COL26A1: variants seen among roughly 807,000 people sequenced by gnomAD.
COL26A1 encodes the protein collagen alpha-1(XXVI) chain.
A neutral mutation model predicts 59.3 loss-of-function variants in COL26A1; 41 were observed. That is an observed-to-expected ratio of 0.69 (90% CI 0.54 to 0.90). The LOEUF (loss-of-function observed/expected upper bound fraction) is 0.90. Ranked by LOEUF, COL26A1 falls within the 40% of genes least tolerant of loss-of-function variation. COL26A1 has a pLI of 0.00. For missense variants in COL26A1, 612 were observed against 602.3 expected (o/e 1.02, Z -0.17); for synonymous variants, 266 against 256.0 (o/e 1.04, Z -0.37).
At chr7:101,400,615 A>G (rs188707864) in intron 1 of COL26A1, among the ~76,000 whole-genome samples, 7 of 151,110 alleles carry the variant, frequency 4.6e-5, no homozygotes, top group Admixed American at 1.3e-4. Context: ...CTGGAGCGCA[A>G]TGGTGCGGTC....
chr7:101,418,048 A>T (rs562660404), intron 1 of COL26A1, among the ~76,000 whole-genome samples: 1 of 152,140 alleles, frequency 6.6e-6, no homozygotes, highest in African/African-American at 2.4e-5. Flanking sequence ...TTTTGTAGAG[A>T]CAAACAGGAT....
At chr7:101,527,145 A>T (rs919050426) in intron 3 of COL26A1, among the ~76,000 whole-genome samples, 4 of 147,816 alleles carry the variant, frequency 2.7e-5, no homozygotes, top group Non-Finnish European at 6.0e-5. Context: ...TAATTTTAAA[A>T]TTTTTTCTAG....
chr7:101,513,517 A>G (rs372278398), intron 3 of COL26A1, among the ~76,000 whole-genome samples: 1 of 146,566 alleles, frequency 6.8e-6, no homozygotes, highest in South Asian at 2.2e-4. Flanking sequence ...GTATTTTTGT[A>G]TTTTTTTAGT....
chr7:101,372,764 G>C (rs988752473), intron 1 of COL26A1, among the ~76,000 whole-genome samples: 1 of 152,118 alleles, frequency 6.6e-6, no homozygotes, highest in East Asian at 1.9e-4. Context: ...GGGAGGCCAA[G>C]GTGGGAGGAT....
At chr7:101,481,604 C>T (rs942038552) in intron 3 of COL26A1, among the ~76,000 whole-genome samples, 1 of 151,924 alleles carries the variant, frequency 6.6e-6, no homozygotes, top group Non-Finnish European at 1.5e-5. Flanking sequence ...GAGCATACCA[C>T]CACACCCAGC....
At chr7:101,392,955 G>A (rs1451105090) in intron 1 of COL26A1, among the ~76,000 whole-genome samples, 2 of 151,644 alleles carry the variant, frequency 1.3e-5, no homozygotes, top group African/African-American at 2.4e-5. Flanking sequence ...CTGTTCAGAT[G>A]TAAACAAAAT....
At chr7:101,463,486 T>C (rs1189901601) in intron 3 of COL26A1, among the ~76,000 whole-genome samples, 2 of 150,508 alleles carry the variant, frequency 1.3e-5, no homozygotes, top group Non-Finnish European at 3.0e-5. Context: ...AAATATCCCT[T>C]CCCTCCCCTC....
intron 1 of COL26A1, among the ~76,000 whole-genome samples, chr7:101,397,810 T>C (rs1284228884): frequency 6.6e-6 from 1 of 152,154 alleles, no homozygotes; most frequent in Non-Finnish European, 1.5e-5. Flanking sequence ...GGTGCTGGGA[T>C]TACAGGTGTG....
intron 2 of COL26A1, among the ~76,000 whole-genome samples, chr7:101,426,662 T>C (rs1792655642): frequency 1.3e-5 from 2 of 152,094 alleles, no homozygotes; most frequent in Admixed American, 1.3e-4. Context: ...AGGGCTAAGA[T>C]GGTGGTGATA....
chr7:101,373,162 AG>A (rs1791233277), intron 1 of COL26A1, among the ~76,000 whole-genome samples: 1 of 152,092 alleles, frequency 6.6e-6, no homozygotes, highest in African/African-American at 2.4e-5. Flanking sequence ...TAGTGGAAGG[AG>A]GGAGGCCAGT....
At chr7:101,387,774 A>ATTTTTTTTTTTTTT (rs1185449488) in intron 1 of COL26A1, among the ~76,000 whole-genome samples, 11 of 48,898 alleles carry the variant, frequency 2.2e-4, no homozygotes, top group South Asian at 8.8e-4. Context: ...ATATATATAT[A>ATTTTTTTTTTTTTT]TATATTTTTT....
chr7:101,455,589 G>T (rs1274207627), intron 3 of COL26A1, among the ~76,000 whole-genome samples: 1 of 144,394 alleles, frequency 6.9e-6, no homozygotes, highest in Non-Finnish European at 1.5e-5. Flanking sequence ...TGCAACCTCC[G>T]CCTCCCAGGC....
intron 3 of COL26A1, among the ~76,000 whole-genome samples, chr7:101,496,068 G>A (rs1298994381): frequency 4.6e-5 from 7 of 152,186 alleles, no homozygotes; most frequent in South Asian, 4.1e-4. Context: ...GCAGCAAAGC[G>A]AGACCCTGTC....
intron 1 of COL26A1, among the ~76,000 whole-genome samples, chr7:101,364,027 C>T (rs115257636): frequency 0.027 from 4,147 of 152,220 alleles, 177 homozygotes; most frequent in African/African-American, 0.094. Flanking sequence ...GATCGGGTGG[C>T]TCCGTGGCGG....
chr7:101,450,123 CAAAAA>C (rs59531271), intron 3 of COL26A1, among the ~76,000 whole-genome samples: 1 of 99,958 alleles, frequency 1.0e-5, no homozygotes. Context: ...GACTCAGTCT[CAAAAA>C]AAAAAAAAAA....
At chr7:101,469,924 G>A (rs59296443) in intron 3 of COL26A1, among the ~76,000 whole-genome samples, 5,475 of 152,176 alleles carry the variant, frequency 0.036, 338 homozygotes, top group African/African-American at 0.13. Flanking sequence ...AGAGATGCAC[G>A]TGAAGTGGCG....
chr7:101,414,188 C>T (rs1024277198), intron 1 of COL26A1, among the ~76,000 whole-genome samples: 2 of 152,094 alleles, frequency 1.3e-5, no homozygotes, highest in African/African-American at 4.8e-5. Context: ...AAGCCATTTC[C>T]AGCCCATTTA....
intron 2 of COL26A1, among the ~76,000 whole-genome samples, chr7:101,427,577 A>G (rs1244095129): frequency 1.3e-5 from 2 of 151,820 alleles, no homozygotes; most frequent in Non-Finnish European, 2.9e-5. Flanking sequence ...CATGAGAATC[A>G]CTTGAACCCA....
chr7:101,537,961 C>G (rs1276564143), intron 4 of COL26A1, among the ~76,000 whole-genome samples: 1 of 152,108 alleles, frequency 6.6e-6, no homozygotes, highest in Non-Finnish European at 1.5e-5. Flanking sequence ...ACTCCCAAGC[C>G]TGCCCCTCTC....
Sources: gnomAD v4.1 joint callset for allele counts (sites outside exome capture counted in the v4.1 genomes callset) on GRCh38, gnomAD v4.1.1 for gene constraint, MANE v1.5 for transcripts, NCBI Gene and HGNC (gene_info 2026-07-23, HGNC 2026-07-21) for gene names.